ADAMTS19: variants seen among roughly 807,000 people sequenced by gnomAD.
ADAMTS19 encodes the protein A disintegrin and metalloproteinase with thrombospondin motifs 19.
In ADAMTS19, 93 loss-of-function variants were observed where a neutral mutation model predicts 153.3. The observed-to-expected ratio is 0.61, with a 90% CI of 0.51 to 0.72. ADAMTS19 has a LOEUF of 0.72. Ranked by LOEUF, ADAMTS19 falls within the 30% of genes least tolerant of loss-of-function variation. The pLI is 0.00. For missense variants in ADAMTS19, 1,482 were observed against 1,552.1 expected (o/e 0.95, Z 0.76); for synonymous variants, 600 against 556.6 (o/e 1.08, Z -1.10).
At chr5:129,560,191 T>G (rs1753448773) in intron 7 of ADAMTS19, among the ~76,000 whole-genome samples, 1 of 152,214 alleles carries the variant, frequency 6.6e-6, no homozygotes, top group African/African-American at 2.4e-5. Context: ...TTGTTGCTCT[T>G]GAGGATTTAG....
intron 7 of ADAMTS19, among the ~76,000 whole-genome samples, chr5:129,552,346 A>G (rs13158524): frequency 0.56 from 84,325 of 151,478 alleles, 24,825 homozygotes; most frequent in Non-Finnish European, 0.66. Context: ...TCTTACATGA[A>G]GTGGCAAATT....
intron 21 of ADAMTS19, among the ~76,000 whole-genome samples, chr5:129,707,318 T>C (rs1756209189): frequency 6.6e-6 from 1 of 152,232 alleles, no homozygotes; most frequent in Admixed American, 6.5e-5. Flanking sequence ...TGTTTGTTTC[T>C]TTGTTTGGTA....
At chr5:129,635,307 G>A (rs1222616598) in intron 10 of ADAMTS19, among the ~76,000 whole-genome samples, 1 of 152,176 alleles carries the variant, frequency 6.6e-6, no homozygotes, top group African/African-American at 2.4e-5. Flanking sequence ...TACTGTTGAT[G>A]GGAGTGTAAA....
In ADAMTS19 at chr5:129,461,812, C is replaced by T. The variant is rs918597274; in HGVS notation, c.747+55C>T. ...TTTCCCCTGCTGCTCCTCTCCTTGC[C>T]CATAGGTCAGGATGATTTGCATGCA... is the stretch of plus-strand genomic sequence containing the variant. On this transcript the variant is annotated intron_variant, in intron 2 of 22. Transcript: ENST00000274487. The surrounding 1 kb of genome is among the most constrained non-coding windows in gnomAD (Gnocchi z 4.6). The T allele has an allele frequency of 1.2e-5, 18 of 1,467,404 alleles. No homozygotes were observed. The highest frequency in any genetic ancestry group is 1.6e-5 in the Non-Finnish European group (18 of 1,118,862). The allele number at this position is 1,467,404 out of a possible 1,614,324, so 90.9% of individuals were successfully genotyped here.
chr5:129,533,220 C>A (rs1355871729), intron 6 of ADAMTS19, among the ~76,000 whole-genome samples: 1 of 152,094 alleles, frequency 6.6e-6, no homozygotes, highest in Non-Finnish European at 1.5e-5. Context: ...AATGTTCCCA[C>A]CTTTAGGTGG....
At chr5:129,527,937 T>C (rs1320394528) in intron 5 of ADAMTS19, 106 bp downstream of exon 5, 3 of 660,636 alleles carry the variant, frequency 4.5e-6, no homozygotes, top group Non-Finnish European at 7.8e-6. Flanking sequence ...TCCAGAAATA[T>C]CCACTGAATC....
At chr5:129,681,188 T>C (rs1754794453) in intron 17 of ADAMTS19, among the ~76,000 whole-genome samples, 1 of 152,220 alleles carries the variant, frequency 6.6e-6, no homozygotes, top group African/African-American at 2.4e-5. Flanking sequence ...ACTACTTTAG[T>C]GTGCCTGCAG....
intron 8 of ADAMTS19, among the ~76,000 whole-genome samples, chr5:129,617,239 A>T (rs1751571776): frequency 6.6e-6 from 1 of 152,000 alleles, no homozygotes; most frequent in Non-Finnish European, 1.5e-5. Flanking sequence ...GTTATGAGTT[A>T]AATGGCTTTA....
At chr5:129,715,987 G>C (rs1006088519) in intron 21 of ADAMTS19, among the ~76,000 whole-genome samples, 5 of 152,088 alleles carry the variant, frequency 3.3e-5, no homozygotes, top group Non-Finnish European at 5.9e-5. Flanking sequence ...AGCTGCGGCA[G>C]ATGGAACTGA....
rs1293112772 is a variant in ADAMTS19, at chr5:129,729,925, T to C, written c.3313-5007T>C. Reference sequence around the variant, plus strand: ...CCTCTTTGAAATATCGAGAACCTTCTTTATCACATCAGAGTGAGCTCATCT... The same window carrying C: ...CCTCTTTGAAATATCGAGAACCTTCCTTATCACATCAGAGTGAGCTCATCT... On this transcript the variant is annotated intron_variant, in intron 21 of 22. Transcript: ENST00000274487. Among the ~76,000 whole-genome samples, 5 of 152,110 alleles carry C rather than the reference T, an allele frequency of 3.3e-5. No homozygotes were observed. In the East Asian group the frequency reaches 9.6e-4, roughly 29 times the overall value.
At chr5:129,721,701 C>G (rs1029961088) in intron 21 of ADAMTS19, among the ~76,000 whole-genome samples, 2 of 152,110 alleles carry the variant, frequency 1.3e-5, no homozygotes, top group Admixed American at 1.3e-4. Flanking sequence ...AACCTGTCAC[C>G]TAGACATTAA....
At chr5:129,504,872 GACACAC>G (rs34742030) in intron 2 of ADAMTS19, among the ~76,000 whole-genome samples, 9,689 of 148,166 alleles carry the variant, frequency 0.065, 510 homozygotes, top group African/African-American at 0.15. Context: ...CACACACACA[GACACAC>G]ACACACACAC....
intron 7 of ADAMTS19, among the ~76,000 whole-genome samples, chr5:129,557,161 A>C (rs1361837637): frequency 4.6e-5 from 7 of 152,194 alleles, no homozygotes; most frequent in Non-Finnish European, 1.0e-4. Flanking sequence ...ACCATGATAT[A>C]TAAATATATA....
At position 129,703,692 on chromosome 5, in the gene ADAMTS19, A is replaced by G. The variant is rs563691792; in HGVS notation, c.3160-547A>G. 2.6e-5 allele frequency among the ~76,000 whole-genome samples: 4 copies of G among 152,252 alleles called. No homozygotes were observed. In the South Asian group the frequency reaches 8.3e-4, roughly 32 times the overall value. On this transcript the variant is annotated intron_variant, in intron 20 of 22. Transcript: ENST00000274487. ...GGTTACAGTGAGCCAAGATCACGCT[A>G]CTGCACTCCAACCGGGGCGACAGAA... is the stretch of plus-strand genomic sequence containing the variant.
intron 3 of ADAMTS19, among the ~76,000 whole-genome samples, chr5:129,515,813 A>G (rs1177015028): frequency 2.0e-5 from 3 of 151,848 alleles, no homozygotes; most frequent in Admixed American, 6.6e-5. Context: ...GCTAGGACTT[A>G]CAGTAATATA....
chr5:129,592,676 C>T (rs1456980620), intron 7 of ADAMTS19, among the ~76,000 whole-genome samples: 2 of 152,070 alleles, frequency 1.3e-5, no homozygotes, highest in East Asian at 1.9e-4. Flanking sequence ...TGACTTTACA[C>T]TTGAGCAAAA....
intron 2 of ADAMTS19, among the ~76,000 whole-genome samples, chr5:129,465,157 C>A (rs1413855735): frequency 1.3e-5 from 2 of 152,136 alleles, no homozygotes; most frequent in Non-Finnish European, 2.9e-5. Flanking sequence ...TTAGTTGGCA[C>A]TCAATAAAAA....
intron 3 of ADAMTS19, among the ~76,000 whole-genome samples, chr5:129,509,645 C>G (rs1173829666): frequency 6.6e-6 from 1 of 151,982 alleles, no homozygotes; most frequent in Non-Finnish European, 1.5e-5. Context: ...GGACTAGAAG[C>G]ATCCTCATCT....
intron 7 of ADAMTS19, among the ~76,000 whole-genome samples, chr5:129,568,369 G>T (rs1162485421): frequency 1.3e-5 from 2 of 151,836 alleles, no homozygotes; most frequent in Non-Finnish European, 2.9e-5. Context: ...ACATGGGGGG[G>T]GATAAAGGGA....
Sources: allele counts gnomAD v4.1 joint callset (sites outside exome capture counted in the v4.1 genomes callset), GRCh38; gene constraint gnomAD v4.1.1; non-coding constraint Gnocchi (gnomAD v3.1); transcripts MANE v1.5; gene names NCBI Gene and HGNC (gene_info 2026-07-23, HGNC 2026-07-21).